Variants in GRIN2B observed in about 807,000 individuals in gnomAD.
GRIN2B encodes the protein glutamate ionotropic receptor NMDA type subunit 2B.
Under a neutral mutation model 114.5 loss-of-function variants are expected in GRIN2B, and 5 were observed. That is an observed-to-expected ratio of 0.04 (90% CI 0.02 to 0.09). The LOEUF is 0.09. Ranked by LOEUF, GRIN2B falls within the 10% of genes least tolerant of loss-of-function variation. GRIN2B has a pLI of 1.00. For missense variants in GRIN2B, 1,108 were observed against 1,943.5 expected (o/e 0.57, Z 8.08); for synonymous variants, 787 against 745.1 (o/e 1.06, Z -0.92).
rs71067738 is a variant in GRIN2B, at chr12:13,927,982, A to AAAAAAAAAAAAAAAAAAAAG, written c.-19+51945_-19+51946insCTTTTTTTTTTTTTTTTTTT. ...ACCCTGTCTCAAAAAAAAAAAAAAA[A>AAAAAAAAAAAAAAAAAAAAG]GGGGGGGTATGCTGTGGAAAGGATG... On this transcript the variant is annotated intron_variant, in intron 2 of 13. Coordinates refer to ENST00000609686, the MANE Select transcript of GRIN2B (RefSeq NM_000834.5). 8.0e-3 allele frequency among the ~76,000 whole-genome samples: 1,030 copies of AAAAAAAAAAAAAAAAAAAAG among 129,454 alleles called. 64 individuals carry two copies. Among genetic ancestry groups the AAAAAAAAAAAAAAAAAAAAG allele is most frequent in the Non-Finnish European group, 0.014 (837 of 60,122 alleles). 84.9% of individuals were successfully genotyped at this position (129,454 alleles called of 152,430 possible).
chr12:13,816,977 AT>A (rs1864835166), intron 3 of GRIN2B, among the ~76,000 whole-genome samples: 1 of 152,022 alleles, frequency 6.6e-6, no homozygotes, highest in Admixed American at 6.5e-5. Context: ...GGGTTCTTTT[AT>A]TTTCTTTTGT....
chr12:13,581,726 A>G (rs988179638), intron 10 of GRIN2B, among the ~76,000 whole-genome samples: 3 of 152,144 alleles, frequency 2.0e-5, no homozygotes, highest in Non-Finnish European at 2.9e-5. Flanking sequence ...CCTGGACAAC[A>G]TGGCAAAATC....
intron 4 of GRIN2B, among the ~76,000 whole-genome samples, chr12:13,703,304 C>A (rs796402064): frequency 6.6e-6 from 1 of 152,136 alleles, no homozygotes; most frequent in African/African-American, 2.4e-5. Flanking sequence ...CTTGCTGATG[C>A]CCACTCTTCA....
intron 3 of GRIN2B, among the ~76,000 whole-genome samples, chr12:13,776,688 A>T (rs1864009220): frequency 6.6e-6 from 1 of 152,138 alleles, no homozygotes; most frequent in Non-Finnish European, 1.5e-5. Context: ...GGGAGCGGGA[A>T]TTAGTGGGGA....
intron 2 of GRIN2B, among the ~76,000 whole-genome samples, chr12:13,977,781 T>A (rs1565607317): frequency 6.6e-6 from 1 of 152,166 alleles, no homozygotes; most frequent in African/African-American, 2.4e-5. Flanking sequence ...CATCAGGGTC[T>A]CCAAAATGGC....
At chr12:13,861,185 T>C (rs1018697367) in intron 3 of GRIN2B, among the ~76,000 whole-genome samples, 2 of 152,190 alleles carry the variant, frequency 1.3e-5, no homozygotes, top group Non-Finnish European at 2.9e-5. Flanking sequence ...AACTCAGGGA[T>C]GTATAATTCT....
At position 13,979,528 on chromosome 12, in the gene GRIN2B, G is replaced by GAAA. The variant is rs201870750; in HGVS notation, c.-19+397_-19+399dup. Among the ~76,000 whole-genome samples, 289 of 101,794 alleles carry GAAA rather than the reference G, an allele frequency of 2.8e-3. 1 individual carries two copies. The highest frequency in any genetic ancestry group is 6.8e-3 in the African/African-American group (201 of 29,384). 66.8% of individuals were successfully genotyped at this position (101,794 alleles called of 152,430 possible). A position where few individuals can be genotyped will look rare whatever the true frequency, so the allele number is the denominator to read the frequency against. On this transcript the variant is annotated intron_variant, in intron 2 of 13. Coordinates refer to ENST00000609686, the MANE Select transcript of GRIN2B (RefSeq NM_000834.5). Reference sequence around the variant, plus strand: ...GTGACAAGGGGAATAAAGCCAACCTGAAAAAAAAAAAAAAAAAGGATTTCT... The same window carrying GAAA: ...GTGACAAGGGGAATAAAGCCAACCTGAAAAAAAAAAAAAAAAAAAAGGATTTCT...
chr12:13,746,805 TA>T (rs879270285), intron 4 of GRIN2B, among the ~76,000 whole-genome samples: 1 of 152,114 alleles, frequency 6.6e-6, no homozygotes, highest in Non-Finnish European at 1.5e-5. Flanking sequence ...GAGAGCTGGT[TA>T]TTTGAAGAGA....
At chr12:13,942,953 G>C (rs1867286944) in intron 2 of GRIN2B, among the ~76,000 whole-genome samples, 1 of 152,026 alleles carries the variant, frequency 6.6e-6, no homozygotes, top group Non-Finnish European at 1.5e-5. Context: ...TCACATCCTT[G>C]ACCCCTCTGG....
Position 13,567,035 on chromosome 12 carries a change from G to C in GRIN2B, c.2588C>G (p.Ser863Cys). ...AATCAAAACACTTACTCTGCTGATG[G>C]AGAAGACCATGCCAGGCTTGCCAGA... ...VCSGKPGMVF[S>C]ISRGIYSCIH... The change falls in exon 13 of 14, where the codon TCC (serine) becomes TGC (cysteine). Residue 863 changes from serine to cysteine, a missense_variant. By Grantham distance (112) the Ser-to-Cys change is moderately radical. This residue lies in a region of GRIN2B where 30 missense variants were observed against 35.9 expected (regional missense o/e 0.84). Coordinates refer to ENST00000609686, the MANE Select transcript of GRIN2B (RefSeq NM_000834.5). 1 of 1,610,268 alleles carries C rather than the reference G, an allele frequency of 6.2e-7. No homozygotes were observed. The highest frequency in any genetic ancestry group is 1.7e-5 in the Admixed American group (1 of 60,032).
chr12:13,897,301 A>G lies in GRIN2B; in HGVS notation c.-18-31075T>C, dbSNP rs998132528. 1.4e-4 allele frequency among the ~76,000 whole-genome samples: 22 copies of G among 152,078 alleles called. 1 individual carries two copies. Among genetic ancestry groups the G allele is most frequent in the African/African-American group, 4.3e-4 (18 of 41,424 alleles). ...CTGCAGCACCTGTCCAAATTACCCC[A>G]TCACTTACTCCATTAGCACACTCTA... On this transcript the variant is annotated intron_variant, in intron 2 of 13. Coordinates refer to ENST00000609686, the MANE Select transcript of GRIN2B (RefSeq NM_000834.5).
At chr12:13,773,561 C>T (rs187921830) in intron 3 of GRIN2B, among the ~76,000 whole-genome samples, 1 of 152,272 alleles carries the variant, frequency 6.6e-6, no homozygotes, top group East Asian at 1.9e-4. Context: ...GAGTAAAAGA[C>T]TTTTGGAGTA....
At chr12:13,629,684 C>A (rs1357102999) in intron 5 of GRIN2B, among the ~76,000 whole-genome samples, 1 of 152,072 alleles carries the variant, frequency 6.6e-6, no homozygotes, top group Non-Finnish European at 1.5e-5. Context: ...CTCCCTCTCT[C>A]TTTTCCTCTC....
intron 3 of GRIN2B, among the ~76,000 whole-genome samples, chr12:13,854,733 T>A (rs1865630162): frequency 6.6e-6 from 1 of 152,116 alleles, no homozygotes; most frequent in Non-Finnish European, 1.5e-5. Context: ...AAACTGCATG[T>A]CCAATGACCA....
At chr12:13,641,753 C>T (rs546507098) in intron 5 of GRIN2B, among the ~76,000 whole-genome samples, 1 of 152,128 alleles carries the variant, frequency 6.6e-6, no homozygotes. Flanking sequence ...TAGGCAGGTG[C>T]TTTAATGAAG....
chr12:13,580,177 A>G (rs965949681), intron 10 of GRIN2B, among the ~76,000 whole-genome samples: 2 of 152,204 alleles, frequency 1.3e-5, no homozygotes, highest in African/African-American at 2.4e-5. Context: ...CCCAGTCCCA[A>G]GGACAATAAT....
chr12:13,951,625 A>T (rs898316551), intron 2 of GRIN2B, among the ~76,000 whole-genome samples: 1 of 152,206 alleles, frequency 6.6e-6, no homozygotes, highest in Admixed American at 6.5e-5. Flanking sequence ...CTTCATGGAC[A>T]CTTAGCGTCC....
Position 13,753,253 on chromosome 12 carries a change from A to C in GRIN2B, c.1010+64T>G. The C allele has an allele frequency of 5.0e-6, 5 of 991,886 alleles. No homozygotes were observed. The highest frequency in any genetic ancestry group is 8.2e-6 in the Non-Finnish European group (5 of 612,980). 61.4% of individuals were successfully genotyped at this position (991,886 alleles called of 1,614,324 possible). A position where few individuals can be genotyped will look rare whatever the true frequency, so the allele number is the denominator to read the frequency against. ...TTCTTCCTGCAGTTTCTGAACTTCC[A>C]ACCCCAGTCTTTGAAGCTCCCCTCT... On this transcript the variant is annotated intron_variant, in intron 4 of 13. Transcript: ENST00000609686. This position sits in a 1 kb window ranked among gnomAD's most constrained non-coding sequence, Gnocchi z 6.2.
intron 2 of GRIN2B, among the ~76,000 whole-genome samples, chr12:13,868,857 C>G (rs938313193): frequency 6.6e-6 from 1 of 152,194 alleles, no homozygotes; most frequent in Admixed American, 6.5e-5. Flanking sequence ...TGGGAGATAA[C>G]AGTAGCAGAG....
Sources: allele counts gnomAD v4.1 joint callset (sites outside exome capture counted in the v4.1 genomes callset), GRCh38; gene constraint gnomAD v4.1.1; regional missense constraint gnomAD v4.1.1; non-coding constraint Gnocchi (gnomAD v3.1); transcripts MANE v1.5; gene names NCBI Gene and HGNC (gene_info 2026-07-23, HGNC 2026-07-21).